APBB2: variants seen among roughly 807,000 people sequenced by gnomAD.
The protein encoded by APBB2 is amyloid beta precursor protein binding family B member 2, also known as Fe65-like 1.
A neutral mutation model predicts 82.5 loss-of-function variants in APBB2; 38 were observed. The observed-to-expected ratio is 0.46, with a 90% confidence interval of 0.36 to 0.60. The LOEUF is 0.60. Among genes scored for constraint, APBB2 ranks in the 20% least tolerant of loss-of-function variants. APBB2 has a pLI of 0.00. For synonymous variants in APBB2, 341 were observed against 368.2 expected, an observed-to-expected ratio of 0.93 and a Z score of 0.85; for missense variants, 772 against 972.3, an observed-to-expected ratio of 0.79 and a Z score of 2.74.
intron 12 of APBB2, among the ~76,000 whole-genome samples, chr4:40,858,014 C>A (rs763669642): frequency 2.6e-5 from 4 of 152,134 alleles, no homozygotes; most frequent in Admixed American, 6.5e-5. Flanking sequence ...ACCCCTACAC[C>A]CTTTTGTAAT....
chr4:40,852,763 C>T (rs759717775), intron 12 of APBB2, among the ~76,000 whole-genome samples: 11 of 152,072 alleles, frequency 7.2e-5, no homozygotes, highest in Non-Finnish European at 1.3e-4. Flanking sequence ...GCCTCAGCCT[C>T]CCTAGTAGCT....
At chr4:41,171,378 CT>C (rs35130550) in intron 1 of APBB2, among the ~76,000 whole-genome samples, 21,269 of 151,974 alleles carry the variant, frequency 0.14, 2,548 homozygotes, top group African/African-American at 0.33. Flanking sequence ...CCATAGCTTC[CT>C]TGCAAAGGTA....
At chr4:40,867,814 G>A (rs537041702) in intron 12 of APBB2, among the ~76,000 whole-genome samples, 1 of 150,264 alleles carries the variant, frequency 6.7e-6, no homozygotes, top group Non-Finnish European at 1.5e-5. Context: ...TCAATTATCA[G>A]GGAGCTGATC....
chr4:41,196,138 G>A, intron 1 of APBB2, among the ~76,000 whole-genome samples: 3 of 148,968 alleles, frequency 2.0e-5, no homozygotes, highest in Non-Finnish European at 3.0e-5. Context: ...CAGCCTGGTC[G>A]ACAGAGCAAG....
At chr4:40,883,695 G>T (rs190834133) in intron 12 of APBB2, among the ~76,000 whole-genome samples, 6 of 139,644 alleles carry the variant, frequency 4.3e-5, no homozygotes, top group African/African-American at 1.6e-4. Flanking sequence ...GGCTAGGAAG[G>T]GAGATAGAGA....
intron 13 of APBB2, 151 bp from the exon 14 acceptor site, chr4:40,827,370 T>G: frequency 1.6e-6 from 1 of 623,274 alleles, no homozygotes; most frequent in South Asian, 2.0e-5. Context: ...TCTCTGGGGC[T>G]ACATATTTTG....
At chr4:40,867,380 C>T (rs1764283010) in intron 12 of APBB2, among the ~76,000 whole-genome samples, 2 of 152,210 alleles carry the variant, frequency 1.3e-5, no homozygotes, top group Admixed American at 1.3e-4. Context: ...TCATATCTAT[C>T]ATTTCACTAT....
intron 2 of APBB2, among the ~76,000 whole-genome samples, chr4:41,115,216 A>G (rs758481380): frequency 9.2e-5 from 14 of 152,214 alleles, no homozygotes; most frequent in Non-Finnish European, 1.8e-4. Context: ...AAAACAAGCA[A>G]TGGGGAAAGG....
intron 10 of APBB2, among the ~76,000 whole-genome samples, chr4:40,932,976 G>A (rs1784579079): frequency 6.6e-6 from 1 of 152,182 alleles, no homozygotes; most frequent in African/African-American, 2.4e-5. Flanking sequence ...TGATTCTCCT[G>A]CCTCAGCCTG....
intron 6 of APBB2, among the ~76,000 whole-genome samples, chr4:40,974,106 C>A (rs1423899887): frequency 6.6e-6 from 1 of 152,030 alleles, no homozygotes; most frequent in African/African-American, 2.4e-5. Flanking sequence ...CCCACCTTGG[C>A]CTCCAAAAGT....
rs1235834970 is a variant in APBB2 at position 40,813,997 on chromosome 4, T to C, written c.*2095A>G. 1 of 152,208 alleles carries C rather than the reference T, an allele frequency of 6.6e-6. No homozygotes were observed. Among genetic ancestry groups the C allele is most frequent in the Non-Finnish European group, 1.5e-5 (1 of 68,046 alleles). The allele number at this position is 152,208 out of a possible 1,614,324, so 9.4% of individuals were successfully genotyped here. ...AAAGTAGCATAGTTTTGTCATAACA[T>C]TGGGGTGCTAAGACAATTCCGGTCC... On this transcript the variant is annotated 3_prime_UTR_variant, in exon 18 of 18. Transcript: ENST00000508593.
intron 1 of APBB2, among the ~76,000 whole-genome samples, chr4:41,179,806 C>A (rs890679697): frequency 1.3e-5 from 2 of 152,118 alleles, no homozygotes; most frequent in African/African-American, 4.8e-5. Context: ...AAAACAGACA[C>A]ATACTGGCAT....
At chr4:40,886,944 G>T (rs1194764875) in intron 12 of APBB2, among the ~76,000 whole-genome samples, 1 of 152,190 alleles carries the variant, frequency 6.6e-6, no homozygotes, top group East Asian at 1.9e-4. Context: ...CCAAGAAAGA[G>T]GAGGCAGCCC....
At chr4:41,075,580 G>A (rs1402150384) in intron 3 of APBB2, among the ~76,000 whole-genome samples, 1 of 152,158 alleles carries the variant, frequency 6.6e-6, no homozygotes, top group African/African-American at 2.4e-5. Flanking sequence ...TGGGACCACT[G>A]GATAAAGGGG....
intron 5 of APBB2, among the ~76,000 whole-genome samples, chr4:41,028,307 AG>A (rs1012319525): frequency 6.6e-6 from 1 of 152,236 alleles, no homozygotes; most frequent in Admixed American, 6.5e-5. Context: ...TCCTTATTTC[AG>A]GGGGCACATG....
intron 12 of APBB2, among the ~76,000 whole-genome samples, chr4:40,870,700 T>C (rs1206395658): frequency 1.3e-5 from 2 of 151,818 alleles, no homozygotes; most frequent in East Asian, 1.9e-4. Context: ...ATAGGTATTA[T>C]ATACATATAT....
rs1220919228 is a variant in APBB2, at chr4:40,982,394, A to G, written c.835+31189T>C. On this transcript the variant is annotated intron_variant, in intron 6 of 17. Coordinates refer to ENST00000508593, the MANE Select transcript of APBB2 (RefSeq NM_004307.2). ...AGGAAGGAAGGAAGGAAGGAAGGAA[A>G]GGAAAGGAAAGAAAGAAAGAAAGAA... 7.3e-4 allele frequency among the ~76,000 whole-genome samples: 44 copies of G among 59,968 alleles called. 5 individuals are homozygous for G. Among genetic ancestry groups the G allele is most frequent in the African/African-American group, 2.6e-3 (40 of 15,154 alleles). 39.3% of individuals were successfully genotyped at this position (59,968 alleles called of 152,430 possible).
At chr4:40,876,121 T>C (rs1766847580) in intron 12 of APBB2, among the ~76,000 whole-genome samples, 1 of 152,242 alleles carries the variant, frequency 6.6e-6, no homozygotes, top group Non-Finnish European at 1.5e-5. Context: ...TCCTTTGAAC[T>C]GGTGTTGGTA....
At chr4:41,075,407 T>C (rs1735327408) in intron 3 of APBB2, among the ~76,000 whole-genome samples, 1 of 152,246 alleles carries the variant, frequency 6.6e-6, no homozygotes, top group Non-Finnish European at 1.5e-5. Context: ...GGTGTTTACA[T>C]GTTCAATGAT....
Sources: allele counts gnomAD v4.1 joint callset (sites outside exome capture counted in the v4.1 genomes callset), GRCh38; gene constraint gnomAD v4.1.1; transcripts MANE v1.5; gene names NCBI Gene and HGNC (gene_info 2026-07-23, HGNC 2026-07-21).